The following NR5A2 variants were observed in gnomAD, a reference collection of about 807,000 sequenced individuals.
NR5A2 encodes the protein nuclear receptor subfamily 5 group A member 2.
Under a neutral mutation model 62.7 loss-of-function variants are expected in NR5A2, and 26 were observed. That is an observed-to-expected ratio of 0.41 (90% CI 0.30 to 0.58). NR5A2 has a LOEUF of 0.58. Among genes scored for constraint, NR5A2 ranks in the 20% least tolerant of loss-of-function variants. The probability of loss-of-function intolerance (pLI) is 0.22; values close to 1 mark genes in which losing one functional copy is unlikely to be tolerated. For missense variants in NR5A2, 541 were observed against 669.1 expected (o/e 0.81, Z 2.11); for synonymous variants, 246 against 241.7 (o/e 1.02, Z -0.16).
intron 5 of NR5A2, among the ~76,000 whole-genome samples, chr1:200,091,635 C>G (rs1664820516): frequency 6.6e-6 from 1 of 152,102 alleles, no homozygotes; most frequent in South Asian, 2.1e-4. Context: ...CAGGTGTACA[C>G]TACCATGCCC....
At chr1:200,088,548 T>C (rs961142888) in intron 5 of NR5A2, among the ~76,000 whole-genome samples, 1 of 150,628 alleles carries the variant, frequency 6.6e-6, no homozygotes, top group Admixed American at 6.6e-5. Context: ...TGAGCCACCA[T>C]GCCTGACCGC....
chr1:200,116,098 T>C (rs1209941344), intron 6 of NR5A2, among the ~76,000 whole-genome samples: 1 of 152,308 alleles, frequency 6.6e-6, no homozygotes, highest in East Asian at 1.9e-4. Flanking sequence ...ATTTTGAGAT[T>C]GGCAAATAGG....
intron 7 of NR5A2, among the ~76,000 whole-genome samples, chr1:200,123,414 C>T (rs1028359172): frequency 6.6e-6 from 1 of 152,154 alleles, no homozygotes; most frequent in Non-Finnish European, 1.5e-5. Context: ...TTGATGGATA[C>T]GGCTTGAGGG....
chr1:200,088,794 A>G (rs972928998), intron 5 of NR5A2, among the ~76,000 whole-genome samples: 7 of 152,166 alleles, frequency 4.6e-5, no homozygotes, highest in Non-Finnish European at 1.0e-4. Context: ...AGCTCACTGC[A>G]TTTGCACTTC....
chr1:200,118,810 T>C (rs551397974), intron 6 of NR5A2, among the ~76,000 whole-genome samples: 1 of 152,368 alleles, frequency 6.6e-6, no homozygotes, highest in South Asian at 2.1e-4. Flanking sequence ...TCACTTTGTG[T>C]GCTCTGCAAA....
intron 7 of NR5A2, among the ~76,000 whole-genome samples, chr1:200,133,534 CATA>C (rs1426231287): frequency 0.021 from 2,649 of 126,836 alleles, 111 homozygotes; most frequent in African/African-American, 0.083. Flanking sequence ...TATACACACA[CATA>C]TATATATATA....
chr1:200,063,051 T>C (rs1420683591), intron 5 of NR5A2, among the ~76,000 whole-genome samples: 2 of 147,894 alleles, frequency 1.4e-5, no homozygotes, highest in East Asian at 4.0e-4. Context: ...TGAGATGGAG[T>C]CTCATTCTGT....
At chr1:200,167,847 A>T (rs1272089300) in intron 7 of NR5A2, among the ~76,000 whole-genome samples, 2 of 152,172 alleles carry the variant, frequency 1.3e-5, no homozygotes, top group African/African-American at 4.8e-5. Context: ...TGCTCAGCTC[A>T]TTCTAACTCA....
rs536549789 is a variant in NR5A2 at position 200,175,420 on chromosome 1, T to A, written c.*1210T>A. On this transcript the variant is annotated 3_prime_UTR_variant, in exon 8 of 8. Coordinates refer to ENST00000367362, the MANE Select transcript of NR5A2 (RefSeq NM_205860.3). Reference sequence around the variant, plus strand: ...AGAGAGTGATACTGACCTTTTTAAGTCATAGACCAAAGTCTGCTGTAGAAC... The same window carrying A: ...AGAGAGTGATACTGACCTTTTTAAGACATAGACCAAAGTCTGCTGTAGAAC... The A allele has an allele frequency of 6.5e-6, 1 of 152,784 alleles. No homozygotes were observed. Among genetic ancestry groups the A allele is most frequent in the Admixed American group, 6.5e-5 (1 of 15,310 alleles). The allele number at this position is 152,784 out of a possible 1,614,324, so 9.5% of individuals were successfully genotyped here.
Position 200,147,848 on chromosome 1 carries a change from T to C in NR5A2, c.1379-26115T>C, listed in dbSNP as rs1667784156. The C allele has an allele frequency of 4.4e-6, 2 of 455,416 alleles. No homozygotes were observed. Among genetic ancestry groups the C allele is most frequent in the Admixed American group, 6.9e-5 (2 of 28,894 alleles). 28.2% of individuals were successfully genotyped at this position (455,416 alleles called of 1,614,324 possible). ...TGGCTGCAGCCATTGGTGAGCAGTATGGCCACCTGCTTGTAGGCGCAGTCC... is the reference window on the plus strand; with the variant it reads ...TGGCTGCAGCCATTGGTGAGCAGTACGGCCACCTGCTTGTAGGCGCAGTCC... On this transcript the variant is annotated intron_variant, in intron 7 of 7. Transcript: ENST00000367362. This position sits in a 1 kb window ranked among gnomAD's most constrained non-coding sequence, Gnocchi z 4.9.
chr1:200,121,439 C>A (rs1666476416), intron 7 of NR5A2, among the ~76,000 whole-genome samples: 1 of 152,090 alleles, frequency 6.6e-6, no homozygotes, highest in Admixed American at 6.6e-5. Flanking sequence ...ATGTTTATAA[C>A]CAGATGCACC....
Position 200,038,736 on chromosome 1 carries a change from G to A in NR5A2, c.65-922G>A, listed in dbSNP as rs532752532. The A allele has an allele frequency of 2.9e-6, 4 of 1,365,602 alleles. No homozygotes were observed. The East Asian group carries it at 1.4e-4, about 47-fold the overall frequency. 84.6% of individuals were successfully genotyped at this position (1,365,602 alleles called of 1,614,324 possible). On this transcript the variant is annotated intron_variant, in intron 1 of 7. Transcript: ENST00000367362. Reference sequence around the variant, plus strand: ...TTGCCGCTCTGGCTGCTTCTCCTTCGCCGCCACGCTCAGACAGAGGTCGCT... The same window carrying A: ...TTGCCGCTCTGGCTGCTTCTCCTTCACCGCCACGCTCAGACAGAGGTCGCT...
At chr1:200,153,294 C>T (rs111411504) in intron 7 of NR5A2, among the ~76,000 whole-genome samples, 1 of 152,350 alleles carries the variant, frequency 6.6e-6, no homozygotes, top group Middle Eastern at 3.4e-3. Context: ...GTTAAAAGTA[C>T]ATTCTTTCCA....
Position 200,120,847 on chromosome 1 carries a change from C to T in NR5A2, c.1270C>T (p.Leu424Phe). The change falls in exon 7 of 8, where the codon CTC becomes TTC. Residue 424 changes from leucine (L) to phenylalanine (F), a missense_variant. Around this residue, in one of 3 missense-constraint regions of NR5A2, gnomAD observed 379 missense variants for 442.0 expected, o/e 0.86. Coordinates refer to ENST00000367362, the MANE Select transcript of NR5A2 (RefSeq NM_205860.3). ...SIIASQAGAT[L>F]NNLMSHAQEL... ...AATAGCATCACAAGCCGGAGCCACC[C>T]TCAACAACCTCATGAGTCATGCACA... The T allele has an allele frequency of 6.3e-7, 1 of 1,591,710 alleles. No individual in the cohort carries two copies. The highest frequency in any genetic ancestry group is 1.2e-5 in the South Asian group (1 of 86,550).
Position 200,087,241 on chromosome 1 carries a change from A to AACACACACACAC in NR5A2, c.1111-23946_1111-23935dup, listed in dbSNP as rs34917175. On this transcript the variant is annotated intron_variant, in intron 5 of 7. Coordinates refer to ENST00000367362, the MANE Select transcript of NR5A2 (RefSeq NM_205860.3). ...TTCAACACATACACCCTTCTTCACC[A>AACACACACACAC]ACACACACACACACACACACACACA... Among the ~76,000 whole-genome samples the AACACACACACAC allele has an allele frequency of 7.0e-3, 1,038 of 148,602 alleles. 4 individuals carry two copies. The highest frequency in any genetic ancestry group is 0.013 in the South Asian group (58 of 4,602).
chr1:200,053,180 G>A (rs1662738929), intron 5 of NR5A2, among the ~76,000 whole-genome samples: 1 of 152,120 alleles, frequency 6.6e-6, no homozygotes, highest in Admixed American at 6.6e-5. Flanking sequence ...TTTCAGAGCT[G>A]GAAGATGAAA....
chr1:200,161,429 GTCC>G (rs953446765), intron 7 of NR5A2, among the ~76,000 whole-genome samples: 4 of 152,066 alleles, frequency 2.6e-5, no homozygotes, highest in African/African-American at 9.7e-5. Flanking sequence ...ATAGCATTCT[GTCC>G]TCATTTTTAT....
chr1:200,047,304 TGATGTGG>T (rs1357810341), intron 4 of NR5A2, among the ~76,000 whole-genome samples: 1 of 152,246 alleles, frequency 6.6e-6, no homozygotes, highest in Non-Finnish European at 1.5e-5. Flanking sequence ...GGTGGTCATC[TGATGTGG>T]GCTCATCAAG....
chr1:200,101,300 C>T (rs188214632), intron 5 of NR5A2, among the ~76,000 whole-genome samples: 120 of 152,098 alleles, frequency 7.9e-4, no homozygotes, highest in African/African-American at 2.8e-3. Flanking sequence ...ATATGTTGTT[C>T]GCTTTATTGT....
Sources: allele counts gnomAD v4.1 joint callset (sites outside exome capture counted in the v4.1 genomes callset), GRCh38; gene constraint gnomAD v4.1.1; regional missense constraint gnomAD v4.1.1; non-coding constraint Gnocchi (gnomAD v3.1); transcripts MANE v1.5; gene names NCBI Gene and HGNC (gene_info 2026-07-23, HGNC 2026-07-21).